The following RHBDF1 variants were observed in gnomAD, a reference collection of about 807,000 sequenced individuals.
The protein encoded by RHBDF1 is inactive rhomboid protein 1.
Under a neutral mutation model 98.6 loss-of-function variants are expected in RHBDF1, and 80 were observed. The observed-to-expected ratio is 0.81, with a 90% CI of 0.68 to 0.98. The LOEUF (loss-of-function observed/expected upper bound fraction) is 0.98. RHBDF1 is among the 50% of genes least tolerant of loss of function. The pLI is 0.00. For synonymous variants in RHBDF1, 512 were observed against 486.8 expected (o/e 1.05, Z -0.68); for missense variants, 1,116 against 1,198.3 (o/e 0.93, Z 1.01).
chr16:64,622 T>A, intron 3 of RHBDF1, 77 bp downstream of exon 3: 1 of 1,550,622 alleles, frequency 6.4e-7, no homozygotes, highest in African/African-American at 1.4e-5. Context: ...TGTTCTCATT[T>A]CCATCCTCTG....
At chr16:65,171 T>C (rs1897796051) in intron 1 of RHBDF1, 132 bp from the exon 2 acceptor site, 1 of 947,356 alleles carries the variant, frequency 1.1e-6, no homozygotes, top group Admixed American at 3.2e-5. Context: ...GTCAGAGCAC[T>C]ACTGTGTGCT....
Position 61,328 on chromosome 16 carries a change from C to T in RHBDF1, c.1396-47G>A, listed in dbSNP as rs752567658. 33 of 1,543,438 alleles carry T rather than the reference C, an allele frequency of 2.1e-5. No individual in the cohort carries two copies. In the African/African-American group the frequency reaches 3.2e-4, roughly 15 times the overall value. ...GGCCGCAGTCCGGGGCCTCCTGCCC[C>T]CGCCGGGCACCTCCAGGTCCCGCCC... On this transcript the variant is annotated intron_variant, in intron 10 of 17. Coordinates refer to ENST00000262316, the MANE Select transcript of RHBDF1 (RefSeq NM_022450.5).
intron 1 of RHBDF1, among the ~76,000 whole-genome samples, chr16:67,703 T>C (rs1292501265): frequency 6.6e-6 from 1 of 152,158 alleles, no homozygotes; most frequent in African/African-American, 2.4e-5. Flanking sequence ...CACATATGTA[T>C]GGGCCACTGT....
In RHBDF1 at chr16:61,929, C is replaced by A. The variant is rs751429564; in HGVS notation, c.1077G>T (p.Pro359=). The A allele has an allele frequency of 1.5e-5, 24 of 1,600,496 alleles. No homozygotes were observed. The African/African-American group carries it at 1.9e-4, about 12-fold the overall frequency. ...TCTCCCGGGCGAAGAGCTTGCGCAC[C>A]GGCACCGCGATACGCTGGCCCCGTC... The part of the protein sequence containing the change: ...GPRRGQRIAV[P]VRKLFAREKR... Residue 359 remains proline (P), a synonymous_variant, in exon 8 of 18, where the codon CCG becomes CCT. Transcript: ENST00000262316.
At position 63,638 on chromosome 16, in the gene RHBDF1, G is replaced by C. The variant is rs143660402; in HGVS notation, c.411C>G (p.Thr137=). ...PSQDNVSLTS[T]ETPPPLYVGP... is the part of the protein sequence containing the mutation. ...CCACGTAGAGTGGGGGTGGCGTCTCGGTGCTGGTCAGCGACACGTTGTCCT... is the reference window on the plus strand; with the variant it reads ...CCACGTAGAGTGGGGGTGGCGTCTCCGTGCTGGTCAGCGACACGTTGTCCT... Residue 137 remains threonine, a synonymous_variant, in exon 4 of 18, where the codon ACC becomes ACG. Transcript: ENST00000262316. The C allele has an allele frequency of 1.3e-5, 20 of 1,598,750 alleles. No individual in the cohort carries two copies. Among genetic ancestry groups the C allele is most frequent in the Middle Eastern group, 1.7e-4 (1 of 5,990 alleles).
At chr16:63,457 GGCT>G in intron 4 of RHBDF1, 127 bp downstream of exon 4, 1 of 814,998 alleles carries the variant, frequency 1.2e-6, no homozygotes, top group Non-Finnish European at 1.9e-6. Flanking sequence ...TTCACGAGCA[GGCT>G]GTCTGACTGC....
chr16:58,648 C>G lies in RHBDF1; in HGVS notation c.2260G>C (p.Val754Leu), dbSNP rs751523796. 1.2e-5 allele frequency: 20 copies of G among 1,613,438 alleles called. No individual in the cohort carries two copies. Among genetic ancestry groups the G allele is most frequent in the Non-Finnish European group, 1.6e-5 (19 of 1,180,038 alleles). The part of the protein sequence containing the change: ...PWRAFFKLLA[V>L]VLFLFTFGLL... ...CCAAAGGTGAAGAGGAAGAGCACCA[C>G]AGCCAGCAGCTTGAAGAAGGCACGC... Residue 754 changes from valine to leucine, a missense_variant, in exon 18 of 18, where the codon GTG becomes CTG. Val to Leu is a conservative substitution (Grantham distance 32). Transcript: ENST00000262316.
intron 14 of RHBDF1, 67 bp downstream of exon 14, chr16:59,665 G>T: frequency 6.3e-7 from 1 of 1,575,134 alleles, no homozygotes; most frequent in African/African-American, 1.3e-5. Flanking sequence ...TGGTTAGGGA[G>T]AAGGCACACC....
intron 17 of RHBDF1, 55 bp from the exon 18 acceptor site, chr16:58,814 C>G: frequency 6.3e-7 from 1 of 1,578,782 alleles, no homozygotes; most frequent in Admixed American, 1.7e-5. Context: ...GCCCCCTGGA[C>G]CCAAGGCCTC....
chr16:60,978 A>C, intron 11 of RHBDF1, 142 bp downstream of exon 11: 17 of 832,168 alleles, frequency 2.0e-5, no homozygotes, highest in East Asian at 2.8e-5. Flanking sequence ...ATGAGGAGGA[A>C]TGAATATGAC....
In RHBDF1 at chr16:61,632, A is replaced by G. The variant is rs1897627927; in HGVS notation, c.1273T>C (p.Tyr425His). ...SLVTILAVCI[Y>H]GIAPVGFSQH... is the part of the protein sequence containing the mutation. ...GAGAAGCCCACGGGCGCGATGCCAT[A>G]GATGCACACGGCTAGGATGGTGACG... The change falls in exon 9 of 18, where the codon TAT becomes CAT. Residue 425 changes from tyrosine to histidine, a missense_variant. Tyr to His is a moderately conservative substitution (Grantham distance 83). Coordinates refer to ENST00000262316, the MANE Select transcript of RHBDF1 (RefSeq NM_022450.5). 1 of 1,613,542 alleles carries G rather than the reference A, an allele frequency of 6.2e-7. No individual in the cohort carries two copies. Among genetic ancestry groups the G allele is most frequent in the Non-Finnish European group, 8.5e-7 (1 of 1,179,914 alleles).
At position 62,712 on chromosome 16, in the gene RHBDF1, G is replaced by T. The variant is rs776024757; in HGVS notation, c.796-17C>A. 1 of 1,614,032 alleles carries T rather than the reference G, an allele frequency of 6.2e-7. No individual in the cohort carries two copies. The highest frequency in any genetic ancestry group is 1.3e-5 in the African/African-American group (1 of 74,942). ...GATACCTTCCTGAGCAAACACATGA[G>T]GTCAGGGTGGACACAGGCAGGAAGG... On this transcript the variant is annotated splice_polypyrimidine_tract_variant and intron_variant, in intron 6 of 17. Coordinates refer to ENST00000262316, the MANE Select transcript of RHBDF1 (RefSeq NM_022450.5).
upstream of RHBDF1, among the ~76,000 whole-genome samples, chr16:74,122 G>A (rs757199107): frequency 6.6e-5 from 10 of 152,188 alleles, no homozygotes; most frequent in Admixed American, 1.3e-4. Context: ...ACGGACACCG[G>A]GTGAGAGGGA....
At position 63,752 on chromosome 16, in the gene RHBDF1, C is replaced by T. The variant is rs767748007; in HGVS notation, c.297G>A (p.Gln99=). The T allele has an allele frequency of 1.2e-6, 2 of 1,613,992 alleles. No homozygotes were observed. The highest frequency in any genetic ancestry group is 1.7e-6 in the Non-Finnish European group (2 of 1,179,984). ...GACGGATGCTCTTGCGCTGCCATTT[C>T]TGGGTGCTGTCACTGTCCTTGCTCA... is the stretch of plus-strand genomic sequence containing the variant. ...FGVSKDSDST[Q]KWQRKSIRHC... is the part of the protein sequence containing the mutation. Residue 99 remains glutamine (Q), a synonymous_variant, in exon 4 of 18, where the codon CAG becomes CAA. Coordinates refer to ENST00000262316, the MANE Select transcript of RHBDF1 (RefSeq NM_022450.5).
At chr16:70,011 A>G (rs144383445) in intron 1 of RHBDF1, among the ~76,000 whole-genome samples, 8,700 of 77,924 alleles carry the variant, frequency 0.11, 388 homozygotes, top group Non-Finnish European at 0.19. Context: ...ACTTGGCAGG[A>G]GGGGGGGGGG....
rs1337745905 is a variant in RHBDF1, at chr16:61,666, C to T, written c.1239G>A (p.Val413=). ...CGGCTAGGATGGTGACGAGCGAGTG[C>T]ACGAAGGTAAGCCAGTAGGTGAAGA... ...RPFFTYWLTF[V]HSLVTILAVC... The change falls in exon 9 of 18, where the codon GTG becomes GTA. Residue 413 remains valine, a synonymous_variant. Coordinates refer to ENST00000262316, the MANE Select transcript of RHBDF1 (RefSeq NM_022450.5). 2 of 1,613,334 alleles carry T rather than the reference C, an allele frequency of 1.2e-6. No homozygotes were observed. The highest frequency in any genetic ancestry group is 1.1e-5 in the South Asian group (1 of 91,088).
At chr16:61,359 G>A in intron 10 of RHBDF1, 26 bp downstream of exon 10, 1 of 1,355,600 alleles carries the variant, frequency 7.4e-7, no homozygotes, top group Non-Finnish European at 1.0e-6. Flanking sequence ...CGCCCCCGCC[G>A]GCCCCGCCCC....
In RHBDF1 at chr16:58,592, G is replaced by A. The variant is rs373346635; in HGVS notation, c.2316C>T (p.His772=). ...AGAGGCCACTGATGAACCCTGAGAT[G>A]TGGGCAAAGTTGTCAATCCACGGCA... The part of the protein sequence containing the change: ...GLLPWIDNFA[H]ISGFISGLFL... Residue 772 remains histidine (H), a synonymous_variant, in exon 18 of 18, where the codon CAC becomes CAT. Transcript: ENST00000262316. The A allele has an allele frequency of 3.7e-5, 59 of 1,613,686 alleles. No individual in the cohort carries two copies. Among genetic ancestry groups the A allele is most frequent in the Non-Finnish European group, 4.8e-5 (57 of 1,179,998 alleles).
chr16:67,682 A>G (rs1362137022), intron 1 of RHBDF1, among the ~76,000 whole-genome samples: 3 of 152,212 alleles, frequency 2.0e-5, no homozygotes, highest in African/African-American at 7.2e-5. Flanking sequence ...AGCACAAGGC[A>G]GGAGTTCATT....
Sources: gnomAD v4.1 joint callset for allele counts (sites outside exome capture counted in the v4.1 genomes callset) on GRCh38, gnomAD v4.1.1 for gene constraint, MANE v1.5 for transcripts, NCBI Gene and HGNC (gene_info 2026-07-23, HGNC 2026-07-21) for gene names.